SLC9A8: variants seen among roughly 807,000 people sequenced by gnomAD.
The protein encoded by SLC9A8 is solute carrier family 9 member A8.
Under a neutral mutation model 66.6 loss-of-function variants are expected in SLC9A8, and 48 were observed. The observed-to-expected ratio is 0.72, with a 90% CI of 0.57 to 0.92. The LOEUF (loss-of-function observed/expected upper bound fraction) is 0.92. SLC9A8 is among the 40% of genes least tolerant of loss of function. SLC9A8 has a pLI of 0.00. For synonymous variants in SLC9A8, 274 were observed against 282.6 expected, an observed-to-expected ratio of 0.97 and a Z score of 0.31; for missense variants, 599 against 747.3, an observed-to-expected ratio of 0.80 and a Z score of 2.31.
intron 10 of SLC9A8, among the ~76,000 whole-genome samples, chr20:49,874,419 A>G (rs1415544944): frequency 2.6e-5 from 4 of 152,146 alleles, no homozygotes; most frequent in Admixed American, 2.0e-4. Context: ...TCACCCTCCT[A>G]ACAGTTCTGT....
Position 49,891,872 on chromosome 20 carries a change from G to A in SLC9A8, c.*3936G>A, listed in dbSNP as rs899033626. The A allele has an allele frequency of 2.0e-5, 3 of 152,274 alleles. No individual in the cohort carries two copies. Among genetic ancestry groups the A allele is most frequent in the African/African-American group, 4.8e-5 (2 of 41,454 alleles). 9.4% of individuals were successfully genotyped at this position (152,274 alleles called of 1,614,324 possible). On this transcript the variant is annotated 3_prime_UTR_variant, in exon 16 of 16. Transcript: ENST00000361573. ...AATCTTGAATCGTCCTCAAAATGAC[G>A]AAGCTTGAATTGTCCTCAAGATGGA...
chr20:49,861,629 A>G (rs560178253), intron 8 of SLC9A8, among the ~76,000 whole-genome samples: 1 of 151,896 alleles, frequency 6.6e-6, no homozygotes, highest in Admixed American at 6.5e-5. Context: ...GAAGGAGATC[A>G]GTGAGACTTA....
intron 14 of SLC9A8, among the ~76,000 whole-genome samples, chr20:49,884,534 C>T (rs1327950298): frequency 6.6e-6 from 1 of 152,106 alleles, no homozygotes; most frequent in African/African-American, 2.4e-5. Context: ...AGTGCCTCTG[C>T]CCTGCCAGCA....
In SLC9A8 at chr20:49,848,135, G is replaced by A. The variant is rs982871900; in HGVS notation, c.433-1444G>A. 1.2e-4 allele frequency among the ~76,000 whole-genome samples: 18 copies of A among 151,984 alleles called. No individual in the cohort carries two copies. In the South Asian group the frequency reaches 1.3e-3, roughly 11 times the overall value. ...GATGGGGTTTCTCCATGTTGGTCAG[G>A]TTGGTCTCGAACTCCTGACCTTAGA... On this transcript the variant is annotated intron_variant, in intron 5 of 15. Transcript: ENST00000361573.
Position 49,884,027 on chromosome 20 carries a change from G to T in SLC9A8, c.1452G>T (p.Arg484Ser). 2 of 1,613,672 alleles carry T rather than the reference G, an allele frequency of 1.2e-6. No homozygotes were observed. Among genetic ancestry groups the T allele is most frequent in the Non-Finnish European group, 1.7e-6 (2 of 1,180,006 alleles). The part of the protein sequence containing the change: ...MDIEDAKAHR[R>S]NKKDVNLSKT... ...TCGAGGACGCCAAGGCACACCGCAG[G>T]AACAAGAAGGACGTCAACCTCAGCA... Residue 484 changes from arginine (R) to serine (S), a missense_variant, in exon 14 of 16, where the codon AGG becomes AGT. Physicochemically the swap from Arg to Ser is moderately radical, Grantham distance 110 (BLOSUM62 -1). Transcript: ENST00000361573.
chr20:49,873,517 G>T (rs1376599591), intron 10 of SLC9A8, among the ~76,000 whole-genome samples: 1 of 148,894 alleles, frequency 6.7e-6, no homozygotes, highest in Non-Finnish European at 1.5e-5. Context: ...CGGGCATGTT[G>T]GCTTACGCCT....
chr20:49,852,234 C>T (rs2088284171), intron 7 of SLC9A8, among the ~76,000 whole-genome samples: 1 of 152,182 alleles, frequency 6.6e-6, no homozygotes, highest in Non-Finnish European at 1.5e-5. Flanking sequence ...GGGACAGCCA[C>T]TTCTCAGCGC....
At chr20:49,834,431 C>CTG (rs1380817705) in intron 3 of SLC9A8, among the ~76,000 whole-genome samples, 10 of 31,558 alleles carry the variant, frequency 3.2e-4, no homozygotes, top group African/African-American at 9.7e-4. Flanking sequence ...TATATATATA[C>CTG]TGTATATATA....
intron 14 of SLC9A8, 192 bp downstream of exon 14, chr20:49,884,258 CGA>C (rs1568883731): frequency 1.9e-5 from 4 of 216,208 alleles, no homozygotes; most frequent in East Asian, 7.7e-5. Context: ...CACACACACA[CGA>C]CACACACACA....
chr20:49,830,181 A>G, intron 3 of SLC9A8: 1 of 777,130 alleles, frequency 1.3e-6, no homozygotes, highest in Admixed American at 1.7e-5. Flanking sequence ...TTCCACCTCC[A>G]TCCGGGCAGC....
At position 49,880,167 on chromosome 20, in the gene SLC9A8, G is replaced by A. The variant is rs6095702; in HGVS notation, c.1159-757G>A. Among the ~76,000 whole-genome samples the A allele has an allele frequency of 6.0e-3, 905 of 151,960 alleles. 3 individuals are homozygous for A. Among genetic ancestry groups the A allele is most frequent in the South Asian group, 0.013 (63 of 4,796 alleles). On this transcript the variant is annotated intron_variant, in intron 12 of 15. Transcript: ENST00000361573. Reference sequence around the variant, plus strand: ...TAGTTCTAGCTACTTGGGAGGTTAAGGTGGGAGGATCACTGGAGCCCAGGA... The same window carrying A: ...TAGTTCTAGCTACTTGGGAGGTTAAAGTGGGAGGATCACTGGAGCCCAGGA...
intron 4 of SLC9A8, among the ~76,000 whole-genome samples, chr20:49,843,218 C>T (rs928371398): frequency 3.3e-5 from 5 of 151,986 alleles, no homozygotes; most frequent in Non-Finnish European, 2.9e-5. Context: ...GTTTTTATAC[C>T]TCCAAAAGGC....
At chr20:49,833,168 T>G (rs2087283632) in intron 3 of SLC9A8, among the ~76,000 whole-genome samples, 1 of 152,204 alleles carries the variant, frequency 6.6e-6, no homozygotes, top group African/African-American at 2.4e-5. Flanking sequence ...CCTCTGAAAG[T>G]GCTGGGATTA....
intron 7 of SLC9A8, among the ~76,000 whole-genome samples, chr20:49,854,794 C>T (rs1421415753): frequency 6.6e-6 from 1 of 152,182 alleles, no homozygotes; most frequent in Admixed American, 6.5e-5. Context: ...ATGTGAAGTG[C>T]TTAGAACAGT....
intron 10 of SLC9A8, among the ~76,000 whole-genome samples, chr20:49,871,987 A>T (rs1277798765): frequency 6.6e-6 from 1 of 152,180 alleles, no homozygotes; most frequent in East Asian, 1.9e-4. Context: ...CTGAGCCGAG[A>T]CTGCGCCTCT....
At chr20:49,828,073 A>ATT (rs58366162) in intron 3 of SLC9A8, among the ~76,000 whole-genome samples, 371 of 81,392 alleles carry the variant, frequency 4.6e-3, no homozygotes, top group Middle Eastern at 7.4e-3. Flanking sequence ...CCAAAAAAAA[A>ATT]TTTTTTTTTT....
intron 12 of SLC9A8, among the ~76,000 whole-genome samples, chr20:49,880,232 C>T (rs2089574894): frequency 6.8e-6 from 1 of 146,800 alleles, no homozygotes; most frequent in Non-Finnish European, 1.5e-5. Flanking sequence ...CCACTGCACT[C>T]CAGCATGCGA....
chr20:49,830,405 TTTCGCCCGTGTG>T (rs1303286535), intron 3 of SLC9A8: 1 of 833,124 alleles, frequency 1.2e-6, no homozygotes, highest in Non-Finnish European at 2.1e-6. Flanking sequence ...GTGACATCAC[TTTCGCCCGTGTG>T]TTGGATCCCA....
chr20:49,830,517 G>A (rs1054446947), intron 3 of SLC9A8: 4 of 710,968 alleles, frequency 5.6e-6, no homozygotes, highest in Non-Finnish European at 1.0e-5. Context: ...AACGGTGGAC[G>A]CTGACATAGT....
Sources: allele counts gnomAD v4.1 joint callset (sites outside exome capture counted in the v4.1 genomes callset), GRCh38; gene constraint gnomAD v4.1.1; transcripts MANE v1.5; gene names NCBI Gene and HGNC (gene_info 2026-07-23, HGNC 2026-07-21).